SGIP1: variants seen among roughly 807,000 people sequenced by gnomAD.
SGIP1 encodes SH3-containing GRB2-like protein 3-interacting protein 1.
Under a neutral mutation model 107.5 loss-of-function variants are expected in SGIP1, and 38 were observed. The observed-to-expected ratio is 0.35, with a 90% CI of 0.27 to 0.46. The LOEUF is 0.46. Ranked by LOEUF, SGIP1 falls within the 20% of genes least tolerant of loss-of-function variation. SGIP1 has a pLI of 1.00. For synonymous variants in SGIP1, 365 were observed against 366.1 expected, an observed-to-expected ratio of 1.00 and a Z score of 0.03; for missense variants, 929 against 1,019.5, an observed-to-expected ratio of 0.91 and a Z score of 1.21.
At chr1:66,572,049 C>G (rs1437333919) in intron 1 of SGIP1, among the ~76,000 whole-genome samples, 1 of 152,050 alleles carries the variant, frequency 6.6e-6, no homozygotes, top group Non-Finnish European at 1.5e-5. Flanking sequence ...CTCTCTGTCT[C>G]TGTACTCCCA....
chr1:66,551,964 A>G (rs2057479464), intron 1 of SGIP1, among the ~76,000 whole-genome samples: 1 of 152,150 alleles, frequency 6.6e-6, no homozygotes, highest in Admixed American at 6.5e-5. Flanking sequence ...GAGGGGTTGT[A>G]TAAATGGTGG....
intron 2 of SGIP1, among the ~76,000 whole-genome samples, chr1:66,630,869 A>AGAGAGAG (rs2074253428): frequency 2.0e-5 from 1 of 50,292 alleles, no homozygotes; most frequent in African/African-American, 1.1e-4. Context: ...GAAAGAAAGA[A>AGAGAGAG]AGAAAGAAAG....
At chr1:66,610,460 A>C (rs917511123) in intron 1 of SGIP1, among the ~76,000 whole-genome samples, 3 of 152,180 alleles carry the variant, frequency 2.0e-5, no homozygotes, top group African/African-American at 7.2e-5. Context: ...CCTGGAGTTC[A>C]GTTTTGCTCA....
At chr1:66,699,827 G>A (rs2091604908) in intron 18 of SGIP1, among the ~76,000 whole-genome samples, 1 of 152,072 alleles carries the variant, frequency 6.6e-6, no homozygotes, top group South Asian at 2.1e-4. Flanking sequence ...ATTGTAATGA[G>A]TTCTATAGGA....
At chr1:66,725,228 G>T (rs2093700928) in intron 19 of SGIP1, among the ~76,000 whole-genome samples, 1 of 152,164 alleles carries the variant, frequency 6.6e-6, no homozygotes, top group South Asian at 2.1e-4. Flanking sequence ...TCTTTAAGAA[G>T]CTCATCTGCT....
At chr1:66,574,597 C>G (rs1206169657) in intron 1 of SGIP1, among the ~76,000 whole-genome samples, 1 of 152,124 alleles carries the variant, frequency 6.6e-6, no homozygotes, top group Non-Finnish European at 1.5e-5. Context: ...AGTTATCAAC[C>G]TGTTCCTTTA....
chr1:66,613,593 G>A (rs746199867), intron 1 of SGIP1, among the ~76,000 whole-genome samples: 2 of 152,190 alleles, frequency 1.3e-5, no homozygotes, highest in African/African-American at 2.4e-5. Context: ...GTCTCCCAAA[G>A]TGCTGGGATT....
At chr1:66,638,238 G>A (rs2149448621) in intron 4 of SGIP1, among the ~76,000 whole-genome samples, 1 of 152,244 alleles carries the variant, frequency 6.6e-6, no homozygotes, top group South Asian at 2.1e-4. Flanking sequence ...GAGAAAATAG[G>A]AGCCCTGTCT....
intron 1 of SGIP1, among the ~76,000 whole-genome samples, chr1:66,557,793 G>A (rs866097069): frequency 2.0e-5 from 3 of 152,220 alleles, no homozygotes; most frequent in South Asian, 4.1e-4. Context: ...TTTATGAATT[G>A]TGCCACACCT....
In SGIP1 at chr1:66,677,077, A is replaced by C; in HGVS notation, c.720A>C (p.Thr240=). The C allele has an allele frequency of 6.2e-7, 1 of 1,613,974 alleles. No individual in the cohort carries two copies. Among genetic ancestry groups the C allele is most frequent in the Non-Finnish European group, 8.5e-7 (1 of 1,179,932 alleles). ...CAAGCATGGAGTCGCCAAAGTTAAC[A>C]AGGCCTTTTCCCACTGGAAGTAAGT... ...INPSMESPKL[T]RPFPTGTPPP... Residue 240 remains threonine, a synonymous_variant, in exon 13 of 25, where the codon ACA becomes ACC. Transcript: ENST00000371037.
chr1:66,558,186 A>G lies in SGIP1; in HGVS notation c.10+23818A>G, dbSNP rs79003745. ...TCCAGGTTTTCCAAAATTGGAGACA[A>G]TGGCATTCATCTCTCTCTTGCTCAT... On this transcript the variant is annotated intron_variant, in intron 1 of 24. Transcript: ENST00000371037. 2.3e-3 allele frequency among the ~76,000 whole-genome samples: 349 copies of G among 152,162 alleles called. 1 individual carries two copies. The highest frequency in any genetic ancestry group is 8.3e-3 in the African/African-American group (344 of 41,552).
chr1:66,580,891 C>A (rs2061725237), intron 1 of SGIP1, among the ~76,000 whole-genome samples: 1 of 152,006 alleles, frequency 6.6e-6, no homozygotes, highest in African/African-American at 2.4e-5. Context: ...AAACATACAT[C>A]ACTAAAAAAT....
At chr1:66,698,911 A>AAAAC (rs888625687) in intron 18 of SGIP1, among the ~76,000 whole-genome samples, 1 of 151,208 alleles carries the variant, frequency 6.6e-6, no homozygotes, top group Non-Finnish European at 1.5e-5. Flanking sequence ...GTGGTGGTGA[A>AAAAC]AAACAAACAA....
At chr1:66,579,041 C>G (rs6697088) in intron 1 of SGIP1, among the ~76,000 whole-genome samples, 106,533 of 152,114 alleles carry the variant, frequency 0.7, 39,043 homozygotes, top group East Asian at 1. Context: ...AGACACATCT[C>G]TAACCATGTG....
At chr1:66,589,043 C>T (rs1276253783) in intron 1 of SGIP1, among the ~76,000 whole-genome samples, 9 of 150,590 alleles carry the variant, frequency 6.0e-5, no homozygotes, top group Non-Finnish European at 8.9e-5. Context: ...AAACATGGGC[C>T]TGTTTTAATC....
intron 18 of SGIP1, among the ~76,000 whole-genome samples, chr1:66,700,454 C>T (rs557657659): frequency 5.9e-5 from 9 of 151,746 alleles, no homozygotes; most frequent in African/African-American, 2.2e-4. Context: ...CTGTACATAC[C>T]TAATCTCATT....
intron 2 of SGIP1, among the ~76,000 whole-genome samples, chr1:66,627,494 T>C (rs2073153325): frequency 6.6e-6 from 1 of 152,188 alleles, no homozygotes. Flanking sequence ...GTGTGTGGGC[T>C]ACTTCCATAG....
At chr1:66,544,161 A>G (rs1044828776) in intron 1 of SGIP1, among the ~76,000 whole-genome samples, 1 of 152,140 alleles carries the variant, frequency 6.6e-6, no homozygotes, top group Non-Finnish European at 1.5e-5. Flanking sequence ...TTAAGTTACA[A>G]GCATACTCTA....
intron 13 of SGIP1, among the ~76,000 whole-genome samples, chr1:66,678,497 ATTATGAC>A (rs1290658344): frequency 6.6e-6 from 1 of 152,110 alleles, no homozygotes; most frequent in Non-Finnish European, 1.5e-5. Context: ...TATTTTGTTG[ATTATGAC>A]CTTGATTTTT....
Sources: gnomAD v4.1 joint callset for allele counts (sites outside exome capture counted in the v4.1 genomes callset) on GRCh38, gnomAD v4.1.1 for gene constraint, MANE v1.5 for transcripts, NCBI Gene and HGNC (gene_info 2026-07-23, HGNC 2026-07-21) for gene names.